The following OXR1 variants were observed in gnomAD, a reference collection of about 807,000 sequenced individuals.
The protein encoded by OXR1 is oxidation resistance protein 1.
OXR1 carries 41 observed loss-of-function variants against 104.6 expected under a neutral mutation model. The ratio of observed to expected loss-of-function variants is 0.39; its 90% CI spans 0.31 to 0.51. The LOEUF (loss-of-function observed/expected upper bound fraction) is 0.51, where lower values mean the gene tolerates loss of function less well. Ranked by LOEUF, OXR1 falls within the 20% of genes least tolerant of loss-of-function variation. The pLI, the probability that OXR1 is intolerant of heterozygous loss-of-function variation, is 0.77. For missense variants in OXR1, 955 were observed against 1,031.9 expected, an observed-to-expected ratio of 0.93 and a Z score of 1.02; for synonymous variants, 348 against 348.4, an observed-to-expected ratio of 1.00 and a Z score of 0.01.
At chr8:106,682,844 C>A (rs1828313000) in intron 4 of OXR1, among the ~76,000 whole-genome samples, 1 of 151,774 alleles carries the variant, frequency 6.6e-6, no homozygotes, top group African/African-American at 2.4e-5. Flanking sequence ...TAGTATGTTG[C>A]TAGAAGTCAC....
At chr8:106,586,941 G>C (rs1400861820) in intron 3 of OXR1, among the ~76,000 whole-genome samples, 1 of 152,274 alleles carries the variant, frequency 6.6e-6, no homozygotes, top group Non-Finnish European at 1.5e-5. Context: ...GGAAAGAGAC[G>C]ATTTAGAAAT....
intron 2 of OXR1, among the ~76,000 whole-genome samples, chr8:106,482,548 G>T (rs540177256): frequency 6.6e-6 from 1 of 152,100 alleles, no homozygotes; most frequent in Admixed American, 6.6e-5. Flanking sequence ...TACTACTCAA[G>T]CTTGCACACA....
chr8:106,639,234 C>T (rs1823425977), intron 3 of OXR1, among the ~76,000 whole-genome samples: 1 of 152,098 alleles, frequency 6.6e-6, no homozygotes, highest in South Asian at 2.1e-4. Flanking sequence ...TTTTAAATTT[C>T]AGTCTGATTG....
intron 2 of OXR1, among the ~76,000 whole-genome samples, chr8:106,365,689 G>A (rs1586570817): frequency 6.6e-6 from 1 of 152,046 alleles, no homozygotes; most frequent in African/African-American, 2.4e-5. Context: ...TTTAGAATCC[G>A]CAACCATTTT....
At chr8:106,502,898 G>A (rs1351884755) in intron 2 of OXR1, among the ~76,000 whole-genome samples, 2 of 152,060 alleles carry the variant, frequency 1.3e-5, no homozygotes, top group African/African-American at 4.8e-5. Context: ...CTGAGTAAAA[G>A]GTAATCAGAA....
chr8:106,377,223 G>A (rs1313847391), intron 2 of OXR1, among the ~76,000 whole-genome samples: 2 of 151,772 alleles, frequency 1.3e-5, no homozygotes, highest in Admixed American at 1.3e-4. Flanking sequence ...TCCCCCTCTC[G>A]CTCAGGCTAG....
intron 1 of OXR1, among the ~76,000 whole-genome samples, chr8:106,344,294 G>A (rs1315133884): frequency 6.6e-6 from 1 of 152,082 alleles, no homozygotes; most frequent in Non-Finnish European, 1.5e-5. Flanking sequence ...AGGGATCAGG[G>A]TACAAAGATA....
chr8:106,374,060 A>T lies in OXR1; in HGVS notation c.23+14424A>T, dbSNP rs530282778. On this transcript the variant is annotated intron_variant, in intron 2 of 16. Coordinates refer to ENST00000517566, the MANE Select transcript of OXR1 (RefSeq NM_001198533.2). Reference sequence around the variant, plus strand: ...CTTCATTTGGCACTTAGGTTGGTAGATTCAGTGTATTGAAACAGCTTAAAC... The same window carrying T: ...CTTCATTTGGCACTTAGGTTGGTAGTTTCAGTGTATTGAAACAGCTTAAAC... Among the ~76,000 whole-genome samples, 8 of 152,338 alleles carry T rather than the reference A, an allele frequency of 5.3e-5. No homozygotes were observed. The South Asian group carries it at 1.7e-3, about 32-fold the overall frequency.
At chr8:106,719,657 A>G (rs1832645862) in intron 11 of OXR1, among the ~76,000 whole-genome samples, 1 of 152,068 alleles carries the variant, frequency 6.6e-6, no homozygotes, top group Non-Finnish European at 1.5e-5. Flanking sequence ...TTTCTGTAGA[A>G]TGTCACACAG....
At chr8:106,347,301 C>T (rs942773439) in intron 1 of OXR1, among the ~76,000 whole-genome samples, 1 of 152,122 alleles carries the variant, frequency 6.6e-6, no homozygotes, top group Non-Finnish European at 1.5e-5. Context: ...TGAAAAATGC[C>T]TCACTTCAGG....
chr8:106,561,836 G>C (rs1264454550), intron 3 of OXR1, among the ~76,000 whole-genome samples: 1 of 152,152 alleles, frequency 6.6e-6, no homozygotes, highest in African/African-American at 2.4e-5. Context: ...AGGCAAACAG[G>C]GTCTGGAGTG....
intron 3 of OXR1, among the ~76,000 whole-genome samples, chr8:106,547,115 T>C (rs1485781630): frequency 1.3e-5 from 2 of 152,168 alleles, no homozygotes; most frequent in African/African-American, 4.8e-5. Flanking sequence ...GGTCTTGACC[T>C]CCTGACCTCA....
intron 3 of OXR1, among the ~76,000 whole-genome samples, chr8:106,578,326 ATTC>A (rs1408135617): frequency 5.3e-5 from 8 of 151,988 alleles, no homozygotes; most frequent in Admixed American, 2.0e-4. Context: ...TACCTCCATT[ATTC>A]TTTATATTCT....
At chr8:106,398,360 G>T (rs1252148169) in intron 2 of OXR1, among the ~76,000 whole-genome samples, 5 of 152,182 alleles carry the variant, frequency 3.3e-5, no homozygotes, top group African/African-American at 9.6e-5. Flanking sequence ...TGCAGCCTGG[G>T]CATCAGAGTG....
At chr8:106,323,958 C>T (rs943536017) in intron 1 of OXR1, among the ~76,000 whole-genome samples, 2 of 152,166 alleles carry the variant, frequency 1.3e-5, no homozygotes, top group Non-Finnish European at 2.9e-5. Context: ...ATGGTGATTT[C>T]TCAAGGAGCT....
intron 2 of OXR1, among the ~76,000 whole-genome samples, chr8:106,440,121 A>T (rs28752069): frequency 0.12 from 17,765 of 152,054 alleles, 1,486 homozygotes; most frequent in East Asian, 0.42. Flanking sequence ...CAGCGGTGGG[A>T]CTGCGTTGGT....
rs558419688 is a variant in OXR1 at position 106,562,090 on chromosome 8, C to G, written c.220+42951C>G. Among the ~76,000 whole-genome samples, 105 of 152,216 alleles carry G rather than the reference C, an allele frequency of 6.9e-4. 1 individual carries two copies. The highest frequency in any genetic ancestry group is 2.3e-3 in the African/African-American group (95 of 41,542). The stretch of plus-strand genomic sequence containing the variant: ...TTCTCCAAAGGATCACAACTCCTCA[C>G]CAGCAGGGGAACAAAACTGGACAAG... On this transcript the variant is annotated intron_variant, in intron 3 of 16. Coordinates refer to ENST00000517566, the MANE Select transcript of OXR1 (RefSeq NM_001198533.2).
intron 11 of OXR1, among the ~76,000 whole-genome samples, chr8:106,718,882 A>C (rs1034610305): frequency 6.6e-6 from 1 of 151,888 alleles, no homozygotes; most frequent in Non-Finnish European, 1.5e-5. Context: ...TTGCGTCAAC[A>C]TGGCTGCTAT....
intron 12 of OXR1, among the ~76,000 whole-genome samples, chr8:106,738,028 A>C (rs1273807329): frequency 6.6e-6 from 1 of 152,332 alleles, no homozygotes; most frequent in East Asian, 1.9e-4. Context: ...GCGTCACATC[A>C]AATATCTCAA....
Sources: gnomAD v4.1 joint callset for allele counts (sites outside exome capture counted in the v4.1 genomes callset) on GRCh38, gnomAD v4.1.1 for gene constraint, MANE v1.5 for transcripts, NCBI Gene and HGNC (gene_info 2026-07-23, HGNC 2026-07-21) for gene names.